Variants in CA10 observed in about 807,000 individuals in gnomAD.
CA10 encodes carbonic anhydrase-related protein 10.
A neutral mutation model predicts 44.2 loss-of-function variants in CA10; 14 were observed. That is an observed-to-expected ratio of 0.32 (90% CI 0.21 to 0.50). The LOEUF (loss-of-function observed/expected upper bound fraction) is 0.50, where lower values mean the gene tolerates loss of function less well. Ranked by LOEUF, CA10 falls within the 20% of genes least tolerant of loss-of-function variation. The pLI is 0.99. For missense variants in CA10, 350 were observed against 409.7 expected, an observed-to-expected ratio of 0.85 and a Z score of 1.26; for synonymous variants, 159 against 141.6, an observed-to-expected ratio of 1.12 and a Z score of -0.87.
chr17:51,809,311 G>A (rs1045088316), intron 3 of CA10, among the ~76,000 whole-genome samples: 3 of 152,174 alleles, frequency 2.0e-5, no homozygotes, highest in Admixed American at 1.3e-4. Flanking sequence ...CAGGCACTGT[G>A]TTCAATGCTG....
intron 1 of CA10, among the ~76,000 whole-genome samples, chr17:52,123,956 A>C (rs1046859740): frequency 2.6e-5 from 4 of 152,228 alleles, no homozygotes; most frequent in African/African-American, 4.8e-5. Context: ...AATCATTAAG[A>C]GACATTATAA....
At chr17:52,008,894 C>T (rs1016454257) in intron 2 of CA10, among the ~76,000 whole-genome samples, 2 of 151,960 alleles carry the variant, frequency 1.3e-5, no homozygotes, top group African/African-American at 2.4e-5. Flanking sequence ...TTTCACCTTT[C>T]CCTCAGTTCC....
chr17:51,903,697 G>A (rs1981418772), intron 3 of CA10, among the ~76,000 whole-genome samples: 1 of 152,114 alleles, frequency 6.6e-6, no homozygotes, highest in Admixed American at 6.6e-5. Flanking sequence ...AGAATATGGT[G>A]ATGTGTCAAA....
rs755590958 is a variant in CA10, at chr17:51,910,323, TAAC to T, written c.279+20664_279+20666del. On this transcript the variant is annotated intron_variant, in intron 3 of 8. Coordinates refer to ENST00000451037, the MANE Select transcript of CA10 (RefSeq NM_020178.5). ...ATATCCTTCTACCAATGGTAACTGA[TAAC>T]AACGAAAGAGCAGGGAAACACACCA... 2.8e-3 allele frequency among the ~76,000 whole-genome samples: 430 copies of T among 151,956 alleles called. 1 individual carries two copies. Among genetic ancestry groups the T allele is most frequent in the Non-Finnish European group, 5.1e-3 (344 of 67,944 alleles).
intron 4 of CA10, among the ~76,000 whole-genome samples, chr17:51,715,104 A>T (rs769363681): frequency 1.3e-5 from 2 of 152,132 alleles, no homozygotes; most frequent in South Asian, 2.1e-4. Context: ...TTCTCAGCAA[A>T]CTATTGCAAG....
chr17:51,758,975 T>C (rs1360080460), intron 3 of CA10, among the ~76,000 whole-genome samples: 1 of 152,122 alleles, frequency 6.6e-6, no homozygotes, highest in Non-Finnish European at 1.5e-5. Flanking sequence ...TTCACTGTGC[T>C]TCTCTTAAGT....
intron 3 of CA10, among the ~76,000 whole-genome samples, chr17:51,884,816 C>T (rs770342849): frequency 6.6e-6 from 1 of 152,170 alleles, no homozygotes; most frequent in Non-Finnish European, 1.5e-5. Flanking sequence ...TGCCTCTGTC[C>T]TAGCTTATGG....
intron 3 of CA10, among the ~76,000 whole-genome samples, chr17:51,894,072 G>A (rs1187084185): frequency 6.6e-6 from 1 of 152,076 alleles, no homozygotes; most frequent in Non-Finnish European, 1.5e-5. Context: ...GCTTGTGTTT[G>A]GCAGATCTGA....
chr17:51,686,606 G>A (rs370070095), intron 4 of CA10, among the ~76,000 whole-genome samples: 1 of 152,102 alleles, frequency 6.6e-6, no homozygotes, highest in African/African-American at 2.4e-5. Context: ...ATCTCTAGGA[G>A]TGGGCCCAGG....
At chr17:52,012,095 G>C (rs767760103) in intron 2 of CA10, among the ~76,000 whole-genome samples, 4 of 151,916 alleles carry the variant, frequency 2.6e-5, no homozygotes, top group Non-Finnish European at 5.9e-5. Flanking sequence ...CATTTATTAG[G>C]TTTAATATTA....
intron 3 of CA10, among the ~76,000 whole-genome samples, chr17:51,765,731 GTGTGCA>G (rs1328110541): frequency 6.6e-5 from 10 of 150,764 alleles, no homozygotes; most frequent in African/African-American, 1.7e-4. Context: ...GTGTATGTGT[GTGTGCA>G]TGCATGTGTT....
intron 3 of CA10, among the ~76,000 whole-genome samples, chr17:51,856,816 C>T (rs545525955): frequency 1.3e-5 from 2 of 152,048 alleles, no homozygotes; most frequent in Non-Finnish European, 1.5e-5. Context: ...GGCTCCAAAG[C>T]GGGGGAGGTC....
chr17:51,883,683 C>T (rs572298747), intron 3 of CA10, among the ~76,000 whole-genome samples: 5 of 152,336 alleles, frequency 3.3e-5, no homozygotes, highest in South Asian at 4.1e-4. Flanking sequence ...AAGTTCCCTT[C>T]CTGATTCCAC....
At chr17:51,977,911 A>G (rs926947881) in intron 2 of CA10, among the ~76,000 whole-genome samples, 2 of 152,122 alleles carry the variant, frequency 1.3e-5, no homozygotes, top group African/African-American at 4.8e-5. Context: ...AATAAAAACA[A>G]AAATGTCATT....
chr17:51,839,500 C>CAAAAAAAA (rs34200978), intron 3 of CA10, among the ~76,000 whole-genome samples: 2 of 36,290 alleles, frequency 5.5e-5, no homozygotes, highest in Non-Finnish European at 8.9e-5. Context: ...GACTCCTTCT[C>CAAAAAAAA]AAAAAAAAAA....
At chr17:51,758,282 T>C (rs886879218) in intron 3 of CA10, among the ~76,000 whole-genome samples, 1 of 152,210 alleles carries the variant, frequency 6.6e-6, no homozygotes, top group Non-Finnish European at 1.5e-5. Context: ...TTTGATAATA[T>C]TGACTCTTCA....
chr17:51,995,783 C>G (rs1444365951), intron 2 of CA10, among the ~76,000 whole-genome samples: 1 of 152,060 alleles, frequency 6.6e-6, no homozygotes, highest in Non-Finnish European at 1.5e-5. Flanking sequence ...TGCTTTCAAA[C>G]TTTTCCAGTG....
In CA10 at chr17:51,753,151, G is replaced by A. The variant is rs538363978; in HGVS notation, c.280-5333C>T. ...GAAGTCCCTCAATTTCCTCACCTGC[G>A]GAATTCATACTGGTTTGAGACTGGT... On this transcript the variant is annotated intron_variant, in intron 3 of 8. Transcript: ENST00000451037. Among the ~76,000 whole-genome samples the A allele has an allele frequency of 4.8e-4, 73 of 152,186 alleles. 1 individual carries two copies. In the South Asian group the frequency reaches 0.014, roughly 29 times the overall value.
In CA10 at chr17:51,902,669, A is replaced by G. The variant is rs557715423; in HGVS notation, c.279+28321T>C. On this transcript the variant is annotated intron_variant, in intron 3 of 8. Transcript: ENST00000451037. The stretch of plus-strand genomic sequence containing the variant: ...AAGCCTATCAATATATCAGCTATCT[A>G]AGATATTTATGGATGAAGATTCTGT... Among the ~76,000 whole-genome samples the G allele has an allele frequency of 2.6e-5, 4 of 152,276 alleles. No homozygotes were observed. In the South Asian group the frequency reaches 8.3e-4, roughly 32 times the overall value.
Sources: gnomAD v4.1 joint callset for allele counts (sites outside exome capture counted in the v4.1 genomes callset) on GRCh38, gnomAD v4.1.1 for gene constraint, MANE v1.5 for transcripts, NCBI Gene and HGNC (gene_info 2026-07-23, HGNC 2026-07-21) for gene names.